MAP3K2: variants seen among roughly 807,000 people sequenced by gnomAD.
MAP3K2 encodes MAP/ERK kinase kinase 2.
In MAP3K2, 24 loss-of-function variants were observed where a neutral mutation model predicts 80.3. That is an observed-to-expected ratio of 0.30 (90% CI 0.22 to 0.42). MAP3K2 has a LOEUF of 0.42. Among genes scored for constraint, MAP3K2 ranks in the 10% least tolerant of loss-of-function variants. The pLI, the probability that MAP3K2 is intolerant of heterozygous loss-of-function variation, is 1.00. For missense variants in MAP3K2, 608 were observed against 750.1 expected, an observed-to-expected ratio of 0.81 and a Z score of 2.21; for synonymous variants, 244 against 253.7, an observed-to-expected ratio of 0.96 and a Z score of 0.36.
Position 127,364,286 on chromosome 2 carries a change from A to G in MAP3K2, c.-65-21092T>C, listed in dbSNP as rs1265993996. On this transcript the variant is annotated intron_variant, in intron 1 of 16. Transcript: ENST00000682094. This position sits in a 1 kb window ranked among gnomAD's most constrained non-coding sequence, Gnocchi z 4.1. ...GGATAACCAAAAGAAGCAAATAGAT[A>G]ATCAAAAAAAGCAAAGAGTAGGAGT... 3.3e-5 allele frequency among the ~76,000 whole-genome samples: 5 copies of G among 152,202 alleles called. No homozygotes were observed. Among genetic ancestry groups the G allele is most frequent in the African/African-American group, 1.2e-4 (5 of 41,442 alleles).
chr2:127,386,649 G>A (rs1228563242), intron 1 of MAP3K2, among the ~76,000 whole-genome samples: 2 of 151,662 alleles, frequency 1.3e-5, no homozygotes, highest in Non-Finnish European at 2.9e-5. Context: ...AAAAAGTAAA[G>A]GTATCTGAAG....
intron 1 of MAP3K2, among the ~76,000 whole-genome samples, chr2:127,381,045 A>G (rs1393471834): frequency 6.6e-6 from 1 of 152,032 alleles, no homozygotes; most frequent in African/African-American, 2.4e-5. Context: ...TTTTTTCCTG[A>G]TTTTTGATAC....
intron 1 of MAP3K2, among the ~76,000 whole-genome samples, chr2:127,380,859 GTTTT>G (rs1315985359): frequency 1.3e-5 from 2 of 151,998 alleles, no homozygotes; most frequent in Non-Finnish European, 2.9e-5. Context: ...AAGAGGAAAG[GTTTT>G]TTAAGTTCAA....
intron 1 of MAP3K2, among the ~76,000 whole-genome samples, chr2:127,352,034 G>C (rs1050971362): frequency 1.2e-4 from 18 of 151,964 alleles, no homozygotes; most frequent in Admixed American, 2.6e-4. Context: ...GCACCACCAT[G>C]CCCAGCTAAT....
intron 5 of MAP3K2, among the ~76,000 whole-genome samples, chr2:127,332,568 G>T (rs10496661): frequency 0.24 from 36,671 of 152,092 alleles, 4,646 homozygotes; most frequent in Middle Eastern, 0.31. Flanking sequence ...GTAAAATGAG[G>T]ACTAAGAGTC....
At chr2:127,347,045 T>C (rs572221242) in intron 1 of MAP3K2, among the ~76,000 whole-genome samples, 14 of 151,944 alleles carry the variant, frequency 9.2e-5, no homozygotes, top group African/African-American at 2.9e-4. Flanking sequence ...TCTCAAAACA[T>C]ACAGAAAACA....
intron 1 of MAP3K2, among the ~76,000 whole-genome samples, chr2:127,386,159 A>C (rs1295471228): frequency 2.0e-5 from 3 of 152,236 alleles, no homozygotes; most frequent in African/African-American, 7.2e-5. Context: ...GCATCAATAG[A>C]TTTGTTAAAC....
intron 5 of MAP3K2, among the ~76,000 whole-genome samples, chr2:127,335,334 A>T (rs1686343896): frequency 6.6e-6 from 1 of 152,258 alleles, no homozygotes; most frequent in Non-Finnish European, 1.5e-5. Flanking sequence ...AACTAAAAGA[A>T]ACTTCAGAGA....
intron 1 of MAP3K2, among the ~76,000 whole-genome samples, chr2:127,353,015 G>A (rs1392785956): frequency 6.6e-6 from 1 of 152,124 alleles, no homozygotes. Context: ...ATGGTGCCCA[G>A]GCTGGAGTGC....
At chr2:127,338,821 C>T in intron 3 of MAP3K2, 111 bp downstream of exon 3, 1 of 723,480 alleles carries the variant, frequency 1.4e-6, no homozygotes, top group Non-Finnish European at 2.3e-6. Context: ...CAAACACTAA[C>T]AAAATTCTTG....
intron 1 of MAP3K2, among the ~76,000 whole-genome samples, chr2:127,377,447 A>C (rs908020195): frequency 3.9e-5 from 6 of 151,922 alleles, no homozygotes; most frequent in Non-Finnish European, 7.4e-5. Context: ...GCACACATTC[A>C]TCACAGAGAA....
chr2:127,310,587 G>A lies in MAP3K2; in HGVS notation c.1457-1825C>T, dbSNP rs1046404015. Among the ~76,000 whole-genome samples the A allele has an allele frequency of 6.6e-6, 1 of 152,138 alleles. No individual in the cohort carries two copies. The highest frequency in any genetic ancestry group is 1.5e-5 in the Non-Finnish European group (1 of 68,034). On this transcript the variant is annotated intron_variant, in intron 15 of 16. Transcript: ENST00000682094. The surrounding 1 kb of genome is among the most constrained non-coding windows in gnomAD (Gnocchi z 4.8). Reference sequence around the variant, plus strand: ...GATCGCTTAAGCCCAGAGGGCCAAGGCTGCGGTGAACTGAGATCATGCCAC... The same window carrying A: ...GATCGCTTAAGCCCAGAGGGCCAAGACTGCGGTGAACTGAGATCATGCCAC...
At position 127,335,920 on chromosome 2, in the gene MAP3K2, C is replaced by A; in HGVS notation, c.214G>T (p.Ala72Ser). ...PVKLEDLRSK[A>S]KIAFGQSMDL... ...ATAGACTGTCCAAAGGCAATTTTAG[C>A]TTTAGATCTCAGATCTTCCAGTTTA... The change falls in exon 5 of 17, where the codon GCT (alanine) becomes TCT (serine). Residue 72 changes from alanine (A) to serine (S), a missense_variant. Ala to Ser is a moderately conservative substitution (Grantham distance 99). This residue lies in a region of MAP3K2 where 467 missense variants were observed against 521.9 expected (regional missense o/e 0.89). Coordinates refer to ENST00000682094, the MANE Select transcript of MAP3K2 (RefSeq NM_001371910.2). The A allele has an allele frequency of 6.3e-7, 1 of 1,576,124 alleles. No homozygotes were observed. The highest frequency in any genetic ancestry group is 1.8e-5 in the Admixed American group (1 of 54,834).
rs10558890 is a variant in MAP3K2 at position 127,365,116 on chromosome 2, C to CAAAAAAAAAAAAAAAAAAAAAAAAA, written c.-65-21947_-65-21923dup. 1.9e-4 allele frequency among the ~76,000 whole-genome samples: 6 copies of CAAAAAAAAAAAAAAAAAAAAAAAAA among 31,656 alleles called. 1 individual carries two copies. The highest frequency in any genetic ancestry group is 3.5e-4 in the Non-Finnish European group (6 of 17,146). The allele number at this position is 31,656 out of a possible 152,430, so 20.8% of individuals were successfully genotyped here. On this transcript the variant is annotated intron_variant, in intron 1 of 16. Transcript: ENST00000682094. ...TGGGCGACAGAGTGAGACTCTGCCTCAAAAAAAAAAAAAAAAAAAAAAAAA... is the reference window on the plus strand; with the variant it reads ...TGGGCGACAGAGTGAGACTCTGCCTCAAAAAAAAAAAAAAAAAAAAAAAAAAAAAAAAAAAAAAAAAAAAAAAAAA...
intron 1 of MAP3K2, among the ~76,000 whole-genome samples, chr2:127,384,668 CTT>C (rs759223038): frequency 4.1e-5 from 6 of 144,636 alleles, no homozygotes; most frequent in Non-Finnish European, 3.1e-5. Flanking sequence ...ACAAAGTGGC[CTT>C]TTTTTTTTTT....
At chr2:127,381,755 C>T (rs992686665) in intron 1 of MAP3K2, among the ~76,000 whole-genome samples, 1 of 152,192 alleles carries the variant, frequency 6.6e-6, no homozygotes, top group Non-Finnish European at 1.5e-5. Flanking sequence ...AATGGGACTG[C>T]ACAGTGTACG....
At chr2:127,335,722 G>T in intron 5 of MAP3K2, 148 bp downstream of exon 5, 1 of 484,292 alleles carries the variant, frequency 2.1e-6, no homozygotes, top group Non-Finnish European at 3.7e-6. Context: ...ATCCATTTTA[G>T]TCAGTTAAAA....
rs537306317 is a variant in MAP3K2, at chr2:127,305,518, C to A, written c.*2061G>T. On this transcript the variant is annotated 3_prime_UTR_variant, in exon 17 of 17. Coordinates refer to ENST00000682094, the MANE Select transcript of MAP3K2 (RefSeq NM_001371910.2). ...GGGAATGCTAGGTAGGACCTTGGCACAGTAAACCAAGATCTACCTAACTTC... is the reference window on the plus strand; with the variant it reads ...GGGAATGCTAGGTAGGACCTTGGCAAAGTAAACCAAGATCTACCTAACTTC... The A allele has an allele frequency of 7.9e-5, 12 of 152,114 alleles. No individual in the cohort carries two copies. Among genetic ancestry groups the A allele is most frequent in the African/African-American group, 2.9e-4 (12 of 41,498 alleles). 9.4% of individuals were successfully genotyped at this position (152,114 alleles called of 1,614,324 possible). A position where few individuals can be genotyped will look rare whatever the true frequency, so the allele number is the denominator to read the frequency against.
At position 127,322,783 on chromosome 2, in the gene MAP3K2, C is replaced by T. The variant is rs902018534; in HGVS notation, c.839-531G>A. ...TAATTTTTTGTATTTTTAGTAGAGA[C>T]GGGGTTTCATCACGTTGGCCAGGCT... On this transcript the variant is annotated intron_variant, in intron 11 of 16. Transcript: ENST00000682094. This position sits in a 1 kb window ranked among gnomAD's most constrained non-coding sequence, Gnocchi z 4.2. 5.3e-5 allele frequency among the ~76,000 whole-genome samples: 8 copies of T among 151,144 alleles called. No individual in the cohort carries two copies. The highest frequency in any genetic ancestry group is 3.3e-4 in the Admixed American group (5 of 15,190).
Sources: allele counts gnomAD v4.1 joint callset (sites outside exome capture counted in the v4.1 genomes callset), GRCh38; gene constraint gnomAD v4.1.1; regional missense constraint gnomAD v4.1.1; non-coding constraint Gnocchi (gnomAD v3.1); transcripts MANE v1.5; gene names NCBI Gene and HGNC (gene_info 2026-07-23, HGNC 2026-07-21).